TMEM135: variants seen among roughly 807,000 people sequenced by gnomAD.
TMEM135 encodes peroxisomal membrane protein 52.
Under a neutral mutation model 60.3 loss-of-function variants are expected in TMEM135, and 30 were observed. The observed-to-expected ratio is 0.50, with a 90% confidence interval of 0.37 to 0.68. The LOEUF (loss-of-function observed/expected upper bound fraction) is 0.68, where lower values mean the gene tolerates loss of function less well. Among genes scored for constraint, TMEM135 ranks in the 30% least tolerant of loss-of-function variants. TMEM135 has a pLI of 0.00. For synonymous variants in TMEM135, 190 were observed against 186.7 expected, an observed-to-expected ratio of 1.02 and a Z score of -0.14; for missense variants, 468 against 548.8, an observed-to-expected ratio of 0.85 and a Z score of 1.47.
chr11:87,300,689 A>G (rs1942429558), intron 7 of TMEM135, among the ~76,000 whole-genome samples: 1 of 152,194 alleles, frequency 6.6e-6, no homozygotes. Context: ...AATATTTACC[A>G]TGTGCCAGAC....
At chr11:87,142,222 T>C (rs1242655213) in intron 4 of TMEM135, among the ~76,000 whole-genome samples, 1 of 152,136 alleles carries the variant, frequency 6.6e-6, no homozygotes, top group Non-Finnish European at 1.5e-5. Context: ...ATGCCTGCTG[T>C]CTTGGTAGTG....
At chr11:87,272,385 C>G (rs1941886044) in intron 6 of TMEM135, among the ~76,000 whole-genome samples, 1 of 152,080 alleles carries the variant, frequency 6.6e-6, no homozygotes, top group African/African-American at 2.4e-5. Flanking sequence ...TTGGATGACT[C>G]TGCTCTAGAA....
intron 6 of TMEM135, among the ~76,000 whole-genome samples, chr11:87,278,829 A>AT (rs1565153913): frequency 6.6e-6 from 1 of 151,956 alleles, no homozygotes; most frequent in East Asian, 1.9e-4. Context: ...TCTTTTGTGC[A>AT]TTTTTTTGTA....
chr11:87,189,150 TCCTTTC>T lies in TMEM135; in HGVS notation c.462+31758_462+31763del, dbSNP rs1199771141. Among the ~76,000 whole-genome samples the T allele has an allele frequency of 2.6e-5, 4 of 151,472 alleles. No individual in the cohort carries two copies. In the South Asian group the frequency reaches 8.4e-4, roughly 32 times the overall value. ...TTCCCTTTTCCTTTCCCTTTCCCTT[TCCTTTC>T]CCTTTCCCTTTCCTTTCTTTGCTTT... On this transcript the variant is annotated intron_variant, in intron 5 of 14. Transcript: ENST00000305494.
At chr11:87,291,515 A>ATTTTTTTTTTTTTTTTTTTT (rs869273724) in intron 6 of TMEM135, among the ~76,000 whole-genome samples, 1 of 50,532 alleles carries the variant, frequency 2.0e-5, no homozygotes, top group Non-Finnish European at 3.5e-5. Flanking sequence ...CAGCCAAGTG[A>ATTTTTTTTTTTTTTTTTTTT]TTTTTTTTTT....
At chr11:87,178,946 A>G (rs570410905) in intron 5 of TMEM135, among the ~76,000 whole-genome samples, 1 of 150,472 alleles carries the variant, frequency 6.6e-6, no homozygotes, top group South Asian at 2.1e-4. Context: ...TTGTTAGGTC[A>G]TAAGAATAAT....
At chr11:87,186,831 C>T (rs760266112) in intron 5 of TMEM135, among the ~76,000 whole-genome samples, 28 of 152,052 alleles carry the variant, frequency 1.8e-4, no homozygotes, top group Non-Finnish European at 3.5e-4. Flanking sequence ...TGATATCCCA[C>T]ATTTTGATTT....
chr11:87,282,030 A>G (rs1942068878), intron 6 of TMEM135, among the ~76,000 whole-genome samples: 1 of 152,198 alleles, frequency 6.6e-6, no homozygotes, highest in Non-Finnish European at 1.5e-5. Context: ...TCCTGTGGAG[A>G]TTTTGTTAAA....
In TMEM135 at chr11:87,328,271, C is replaced by T. The variant is rs541132634; in HGVS notation, c.*6938C>T. ...CCACTCTTCTGTGTATGCTAAAATA[C>T]TGTCAATCTCGTCTTTGAAGGTTTT... On this transcript the variant is annotated 3_prime_UTR_variant, in exon 15 of 15. Coordinates refer to ENST00000305494, the MANE Select transcript of TMEM135 (RefSeq NM_022918.4). 6.6e-6 allele frequency: 3 copies of T among 454,078 alleles called. No individual in the cohort carries two copies. The highest frequency in any genetic ancestry group is 6.0e-5 in the African/African-American group (3 of 50,118). The allele number at this position is 454,078 out of a possible 1,614,324, so 28.1% of individuals were successfully genotyped here.
chr11:87,236,592 G>T (rs775359148), intron 5 of TMEM135, 46 bp from the exon 6 acceptor site: 3 of 1,557,502 alleles, frequency 1.9e-6, no homozygotes, highest in Middle Eastern at 1.7e-4. Context: ...CTCAAATGGT[G>T]ATGTCAGTGT....
intron 5 of TMEM135, among the ~76,000 whole-genome samples, chr11:87,209,660 G>A (rs1050066777): frequency 2.0e-5 from 3 of 152,056 alleles, no homozygotes; most frequent in Admixed American, 6.6e-5. Flanking sequence ...AGATATTCTG[G>A]ACTTTAACTC....
intron 8 of TMEM135, among the ~76,000 whole-genome samples, chr11:87,305,634 C>T (rs1250699727): frequency 2.0e-5 from 3 of 151,936 alleles, no homozygotes; most frequent in Non-Finnish European, 4.4e-5. Context: ...ATTAGCTGGG[C>T]GTGGTGGCAG....
rs938718734 is a variant in TMEM135, at chr11:87,328,191, C to G, written c.*6858C>G. On this transcript the variant is annotated 3_prime_UTR_variant, in exon 15 of 15. Coordinates refer to ENST00000305494, the MANE Select transcript of TMEM135 (RefSeq NM_022918.4). The stretch of plus-strand genomic sequence containing the variant: ...TTCCAATTCTGTATAGATCAGATCT[C>G]AGTTTCATTTCCCATTATATCCTTC... 1 of 453,916 alleles carries G rather than the reference C, an allele frequency of 2.2e-6. No homozygotes were observed. The highest frequency in any genetic ancestry group is 2.0e-5 in the African/African-American group (1 of 49,984). 28.1% of individuals were successfully genotyped at this position (453,916 alleles called of 1,614,324 possible).
intron 6 of TMEM135, among the ~76,000 whole-genome samples, chr11:87,250,794 A>G (rs1941400288): frequency 6.6e-6 from 1 of 152,336 alleles, no homozygotes; most frequent in South Asian, 2.1e-4. Context: ...GTTGTATTTC[A>G]GAGTTAGGAG....
chr11:87,270,448 G>A (rs543666332), intron 6 of TMEM135, among the ~76,000 whole-genome samples: 1 of 152,232 alleles, frequency 6.6e-6, no homozygotes, highest in South Asian at 2.1e-4. Flanking sequence ...TAAAGAAGGG[G>A]AATGTGTTAA....
intron 4 of TMEM135, among the ~76,000 whole-genome samples, chr11:87,138,739 G>A (rs967567342): frequency 1.1e-4 from 17 of 152,170 alleles, no homozygotes; most frequent in Admixed American, 2.0e-4. Flanking sequence ...TTTTTGCTTG[G>A]ACAAATGGTG....
intron 10 of TMEM135, among the ~76,000 whole-genome samples, chr11:87,310,624 TAAA>T (rs11317985): frequency 1.5e-5 from 2 of 130,450 alleles, no homozygotes; most frequent in Non-Finnish European, 1.6e-5. Flanking sequence ...AAGTTGCAAT[TAAA>T]AAAAAAAAAA....
rs764935516 is a variant in TMEM135, at chr11:87,324,646, G to T, written c.*3313G>T. The T allele has an allele frequency of 2.2e-6, 1 of 450,318 alleles. No individual in the cohort carries two copies. The highest frequency in any genetic ancestry group is 1.6e-5 in the South Asian group (1 of 63,462). The allele number at this position is 450,318 out of a possible 1,614,324, so 27.9% of individuals were successfully genotyped here. ...AGGTGTTGCTATGTTGTCCAGGCTG[G>T]TCTTAAACTCCTGGCCTCAAGTGAT... is the stretch of plus-strand genomic sequence containing the variant. On this transcript the variant is annotated 3_prime_UTR_variant, in exon 15 of 15. Transcript: ENST00000305494.
chr11:87,099,337 G>A (rs1445978885), intron 4 of TMEM135, among the ~76,000 whole-genome samples: 2 of 151,914 alleles, frequency 1.3e-5, no homozygotes, highest in African/African-American at 4.8e-5. Context: ...CTTTTATTTT[G>A]AAATAATTAT....
Sources: allele counts gnomAD v4.1 joint callset (sites outside exome capture counted in the v4.1 genomes callset), GRCh38; gene constraint gnomAD v4.1.1; transcripts MANE v1.5; gene names NCBI Gene and HGNC (gene_info 2026-07-23, HGNC 2026-07-21).